The following RNF125 variants were observed in gnomAD, a reference collection of about 807,000 sequenced individuals.
RNF125 encodes E3 ubiquitin-protein ligase RNF125.
Under a neutral mutation model 26.0 loss-of-function variants are expected in RNF125, and 21 were observed. That is an observed-to-expected ratio of 0.81 (90% confidence interval 0.57 to 1.16). The LOEUF (loss-of-function observed/expected upper bound fraction) is 1.16. Among genes scored for constraint, RNF125 ranks in the 50% most tolerant of loss-of-function variants. RNF125 has a pLI of 0.00. For missense variants in RNF125, 270 were observed against 299.4 expected (o/e 0.90, Z 0.72); for synonymous variants, 95 against 109.2 (o/e 0.87, Z 0.81).
chr18:32,035,620 TG>T (rs1161848945), intron 1 of RNF125, among the ~76,000 whole-genome samples: 1 of 152,148 alleles, frequency 6.6e-6, no homozygotes, highest in Non-Finnish European at 1.5e-5. Context: ...ATGAATCTTT[TG>T]ACCATAATAT....
In RNF125 at chr18:32,071,726, C is replaced by G. The variant is rs2039535823; in HGVS notation, c.*3342C>G. ...AAGGTCTTGCTACAGTTCTTTTATC[C>G]AGTACAAATAATTGGGAAAATGTAA... is the stretch of plus-strand genomic sequence containing the variant. On this transcript the variant is annotated 3_prime_UTR_variant, in exon 6 of 6. Transcript: ENST00000217740. 1 of 152,028 alleles carries G rather than the reference C, an allele frequency of 6.6e-6. No homozygotes were observed. Among genetic ancestry groups the G allele is most frequent in the Non-Finnish European group, 1.5e-5 (1 of 68,012 alleles). The allele number at this position is 152,028 out of a possible 1,614,324, so 9.4% of individuals were successfully genotyped here. A position where few individuals can be genotyped will look rare whatever the true frequency, so the allele number is the denominator to read the frequency against.
chr18:32,058,728 C>T (rs1186929683), intron 4 of RNF125, among the ~76,000 whole-genome samples: 2 of 152,162 alleles, frequency 1.3e-5, no homozygotes, highest in Admixed American at 6.6e-5. Context: ...TACATTCTAT[C>T]TAACTATATT....
intron 1 of RNF125, among the ~76,000 whole-genome samples, chr18:32,020,500 G>A (rs913326635): frequency 2.0e-5 from 3 of 151,784 alleles, no homozygotes; most frequent in Non-Finnish European, 2.9e-5. Context: ...CCAGCATTTG[G>A]CTTAGCAGGA....
At chr18:32,064,358 T>G (rs2039462872) in intron 4 of RNF125, among the ~76,000 whole-genome samples, 1 of 150,560 alleles carries the variant, frequency 6.6e-6, no homozygotes, top group South Asian at 2.1e-4. Flanking sequence ...CTGAAAAATA[T>G]GAGTACAGGC....
intron 1 of RNF125, among the ~76,000 whole-genome samples, chr18:32,028,069 C>T (rs1249656457): frequency 2.0e-5 from 3 of 151,720 alleles, no homozygotes; most frequent in Admixed American, 6.6e-5. Context: ...GAGGCTGAGG[C>T]GGGCGGATCA....
At chr18:32,046,938 G>A (rs148992986) in intron 4 of RNF125, among the ~76,000 whole-genome samples, 63 of 152,026 alleles carry the variant, frequency 4.1e-4, no homozygotes, top group African/African-American at 1.2e-3. Context: ...GCGCCATCTC[G>A]GCTCACTGCA....
chr18:32,045,426 G>GT (rs2039259662), intron 3 of RNF125, among the ~76,000 whole-genome samples: 1 of 151,414 alleles, frequency 6.6e-6, no homozygotes, highest in Non-Finnish European at 1.5e-5. Context: ...TGGTGTGGTG[G>GT]TGGGGGCTTG....
downstream of RNF125, chr18:32,075,784 A>T: frequency 1.8e-6 from 1 of 548,552 alleles, no homozygotes; most frequent in Non-Finnish European, 3.3e-6. Context: ...CCACCTTTTC[A>T]CTGCTTAAAA....
chr18:32,020,002 C>CTCTGTGTGTGTG (rs1223003001), intron 1 of RNF125, among the ~76,000 whole-genome samples: 15 of 149,898 alleles, frequency 1.0e-4, no homozygotes, highest in African/African-American at 3.4e-4. Flanking sequence ...TCTCTGTTTA[C>CTCTGTGTGTGTG]TGTGTGTGTG....
intron 1 of RNF125, among the ~76,000 whole-genome samples, chr18:32,026,066 C>CTTT (rs34424595): frequency 1.3e-4 from 17 of 132,220 alleles, no homozygotes; most frequent in South Asian, 2.5e-4. Flanking sequence ...TTAAAAAAAA[C>CTTT]TTTTTTTTTT....
intron 1 of RNF125, among the ~76,000 whole-genome samples, chr18:32,032,435 A>G (rs573774599): frequency 1.3e-5 from 2 of 150,574 alleles, no homozygotes; most frequent in Admixed American, 6.6e-5. Context: ...CTGGTCTCGA[A>G]CTCCTGACCT....
chr18:32,089,088 C>T, the RNF125 span, among the ~76,000 whole-genome samples: 4 of 152,118 alleles, frequency 2.6e-5, no homozygotes, highest in East Asian at 3.9e-4. Context: ...GGAAGGTGAT[C>T]GTGGCAGGAA....
chr18:32,075,183 C>A (rs920811849), downstream of RNF125, among the ~76,000 whole-genome samples: 1 of 152,190 alleles, frequency 6.6e-6, no homozygotes, highest in African/African-American at 2.4e-5. Flanking sequence ...TCCATTTTTA[C>A]AATTCTACTC....
intron 4 of RNF125, among the ~76,000 whole-genome samples, chr18:32,052,356 G>A (rs938385829): frequency 6.6e-6 from 1 of 151,772 alleles, no homozygotes; most frequent in Non-Finnish European, 1.5e-5. Context: ...AGCCAGGCAC[G>A]GTGGCGCGCG....
chr18:32,028,043 A>G (rs941691781), intron 1 of RNF125, among the ~76,000 whole-genome samples: 1 of 152,152 alleles, frequency 6.6e-6, no homozygotes, highest in South Asian at 2.1e-4. Flanking sequence ...TCACACCTGT[A>G]ATCCCAGCAC....
At chr18:32,020,366 T>A (rs1218540791) in intron 1 of RNF125, among the ~76,000 whole-genome samples, 1 of 151,390 alleles carries the variant, frequency 6.6e-6, no homozygotes, top group East Asian at 2.0e-4. Flanking sequence ...TTGCTTTGAT[T>A]TTTTTTCGTG....
intron 1 of RNF125, among the ~76,000 whole-genome samples, chr18:32,023,358 G>T (rs1336059062): frequency 6.6e-6 from 1 of 152,050 alleles, no homozygotes; most frequent in African/African-American, 2.4e-5. Flanking sequence ...TCGCCATTTT[G>T]CCCAGGCTGG....
intron 3 of RNF125, among the ~76,000 whole-genome samples, chr18:32,044,147 C>T (rs1308665902): frequency 6.6e-6 from 1 of 152,074 alleles, no homozygotes; most frequent in Admixed American, 6.6e-5. Context: ...GCTGGGATTA[C>T]AGGCGTGTGC....
the RNF125 span, among the ~76,000 whole-genome samples, chr18:32,080,920 T>G: frequency 6.6e-6 from 1 of 151,906 alleles, no homozygotes; most frequent in Admixed American, 6.6e-5. Flanking sequence ...GGCGCGGTGG[T>G]TTACGCCTGT....
Sources: allele counts gnomAD v4.1 joint callset (sites outside exome capture counted in the v4.1 genomes callset), GRCh38; gene constraint gnomAD v4.1.1; transcripts MANE v1.5; gene names NCBI Gene and HGNC (gene_info 2026-07-23, HGNC 2026-07-21).